SPATA6L: variants seen among roughly 807,000 people sequenced by gnomAD.
The protein encoded by SPATA6L is spermatogenesis associated 6 like, also known as spermatogenesis associated 6-like protein.
SPATA6L carries 68 observed loss-of-function variants against 49.2 expected under a neutral mutation model. That is an observed-to-expected ratio of 1.38 (90% CI 1.14 to 1.69). The LOEUF (loss-of-function observed/expected upper bound fraction) is 1.69, where lower values mean the gene tolerates loss of function less well. Ranked by LOEUF, SPATA6L falls within the 40% of genes most tolerant of loss-of-function variation. SPATA6L has a pLI of 0.00. For missense variants in SPATA6L, 668 were observed against 464.3 expected, an observed-to-expected ratio of 1.44 and a Z score of -4.03; for synonymous variants, 198 against 165.7, an observed-to-expected ratio of 1.19 and a Z score of -1.50.
At chr9:4,623,166 G>C (rs1829719440) in intron 6 of SPATA6L, among the ~76,000 whole-genome samples, 2 of 152,166 alleles carry the variant, frequency 1.3e-5, no homozygotes, top group East Asian at 3.8e-4. Flanking sequence ...TGTAATCCCA[G>C]CTACTCTGGA....
At chr9:4,605,219 GT>G in intron 10 of SPATA6L, 127 bp downstream of exon 10, 1 of 707,562 alleles carries the variant, frequency 1.4e-6, no homozygotes, top group Non-Finnish European at 2.5e-6. Flanking sequence ...AATCTCCTTG[GT>G]AAGCCTCACA....
At chr9:4,624,135 C>T (rs1829904131) in intron 6 of SPATA6L, among the ~76,000 whole-genome samples, 1 of 152,164 alleles carries the variant, frequency 6.6e-6, no homozygotes, top group Non-Finnish European at 1.5e-5. Flanking sequence ...CTTAATGATA[C>T]TATCAATAGT....
chr9:4,639,261 A>G (rs893536073), intron 3 of SPATA6L, among the ~76,000 whole-genome samples: 2 of 152,108 alleles, frequency 1.3e-5, no homozygotes, highest in African/African-American at 4.8e-5. Flanking sequence ...TAGATGCATG[A>G]TATGATGTTC....
intron 4 of SPATA6L, among the ~76,000 whole-genome samples, chr9:4,629,769 G>GTA (rs35908661): frequency 0.14 from 13,965 of 101,794 alleles, 970 homozygotes; most frequent in Non-Finnish European, 0.16. Flanking sequence ...GTGTGTGTGT[G>GTA]TATATATATA....
intron 2 of SPATA6L, among the ~76,000 whole-genome samples, chr9:4,659,907 C>A (rs553047003): frequency 1.3e-5 from 2 of 152,130 alleles, no homozygotes; most frequent in African/African-American, 4.8e-5. Flanking sequence ...TTTGACAAAC[C>A]TGACAAAAAC....
chr9:4,651,255 A>G (rs1399694577), intron 3 of SPATA6L, among the ~76,000 whole-genome samples: 3 of 152,226 alleles, frequency 2.0e-5, no homozygotes, highest in Non-Finnish European at 4.4e-5. Context: ...CCAATGAATT[A>G]GATAAATGAA....
At chr9:4,603,294 G>C (rs1462566468) in intron 11 of SPATA6L, among the ~76,000 whole-genome samples, 2 of 152,138 alleles carry the variant, frequency 1.3e-5, no homozygotes, top group Non-Finnish European at 2.9e-5. Context: ...GCTGGGTGTG[G>C]TTGTGCACAC....
At chr9:4,645,318 T>C (rs1307793335) in intron 3 of SPATA6L, among the ~76,000 whole-genome samples, 1 of 152,340 alleles carries the variant, frequency 6.6e-6, no homozygotes, top group African/African-American at 2.4e-5. Context: ...TGTCTTAGTC[T>C]ATTTTCTGTT....
chr9:4,639,401 G>A (rs1044874286), intron 3 of SPATA6L, among the ~76,000 whole-genome samples: 2 of 152,120 alleles, frequency 1.3e-5, no homozygotes, highest in African/African-American at 2.4e-5. Context: ...AAAGTAAGAG[G>A]CTGGAAAATT....
chr9:4,654,005 C>T lies in SPATA6L; in HGVS notation c.226+2036G>A, dbSNP rs1448097628. On this transcript the variant is annotated intron_variant, in intron 3 of 11. Coordinates refer to ENST00000682582, the MANE Select transcript of SPATA6L (RefSeq NM_001353486.2). ...AGGCAAAGGATCTGAATAGACATTT[C>T]CCCCAAAGAAAATACACAAATGGCC... Among the ~76,000 whole-genome samples the T allele has an allele frequency of 2.6e-5, 4 of 152,110 alleles. No individual in the cohort carries two copies. In the East Asian group the frequency reaches 5.8e-4, roughly 22 times the overall value.
At chr9:4,647,363 G>A (rs1835641006) in intron 3 of SPATA6L, among the ~76,000 whole-genome samples, 1 of 152,234 alleles carries the variant, frequency 6.6e-6, no homozygotes, top group East Asian at 1.9e-4. Context: ...AGGCCGAGGT[G>A]AGCGGATCAC....
intron 3 of SPATA6L, 81 bp downstream of exon 3, chr9:4,655,960 T>C: frequency 9.2e-7 from 1 of 1,092,282 alleles, no homozygotes; most frequent in Non-Finnish European, 1.3e-6. Context: ...ATATCACAGT[T>C]TAGAAAAGAG....
Position 4,662,481 on chromosome 9 carries a change from A to C in SPATA6L, c.40-445T>G, listed in dbSNP as rs918836876. 3 of 1,553,086 alleles carry C rather than the reference A, an allele frequency of 1.9e-6. No individual in the cohort carries two copies. The highest frequency in any genetic ancestry group is 2.6e-6 in the Non-Finnish European group (3 of 1,159,146). ...AGCCCATGGCGGCGGTGGCGGCGGC[A>C]GCAGGTTTGAGTTCCAGTCCCTGCT... On this transcript the variant is annotated intron_variant, in intron 1 of 11. Coordinates refer to ENST00000682582, the MANE Select transcript of SPATA6L (RefSeq NM_001353486.2). The surrounding 1 kb of genome is among the most constrained non-coding windows in gnomAD (Gnocchi z 4.9).
At chr9:4,659,711 G>T (rs1011361857) in intron 2 of SPATA6L, among the ~76,000 whole-genome samples, 1 of 152,098 alleles carries the variant, frequency 6.6e-6, no homozygotes, top group Non-Finnish European at 1.5e-5. Flanking sequence ...AAAAGAGCCC[G>T]CATTGCCAAG....
intron 4 of SPATA6L, among the ~76,000 whole-genome samples, chr9:4,631,634 G>C (rs1243467405): frequency 6.6e-6 from 1 of 152,130 alleles, no homozygotes; most frequent in Non-Finnish European, 1.5e-5. Context: ...CATGCTAGTG[G>C]AGGAAATAAA....
chr9:4,625,103 T>C (rs1830088770), intron 6 of SPATA6L: 4 of 653,038 alleles, frequency 6.1e-6, no homozygotes, highest in Non-Finnish European at 9.1e-6. Context: ...AAAATAGGGA[T>C]GGCTGACATT....
chr9:4,662,660 C>A lies in SPATA6L; in HGVS notation c.40-624G>T. 1 of 1,599,972 alleles carries A rather than the reference C, an allele frequency of 6.3e-7. No individual in the cohort carries two copies. Among genetic ancestry groups the A allele is most frequent in the African/African-American group, 1.3e-5 (1 of 75,046 alleles). On this transcript the variant is annotated intron_variant, in intron 1 of 11. Transcript: ENST00000682582. This position sits in a 1 kb window ranked among gnomAD's most constrained non-coding sequence, Gnocchi z 4.9. ...CCGAGGAGGACCGCATGGACTTGAACCCGTCCTTCCTGGGCATCGCCCTGC... is the reference window on the plus strand; with the variant it reads ...CCGAGGAGGACCGCATGGACTTGAAACCGTCCTTCCTGGGCATCGCCCTGC...
At chr9:4,593,509 C>T (rs965897162), downstream of SPATA6L, among the ~76,000 whole-genome samples, 3 of 151,944 alleles carry the variant, frequency 2.0e-5, no homozygotes, top group African/African-American at 7.3e-5. Context: ...AACTGGAACC[C>T]TATTTCTCTT....
chr9:4,610,162 G>T (rs947231660), intron 9 of SPATA6L, among the ~76,000 whole-genome samples: 1 of 152,160 alleles, frequency 6.6e-6, no homozygotes, highest in Non-Finnish European at 1.5e-5. Context: ...CAAACAAATG[G>T]AAGAACATTC....
Sources: gnomAD v4.1 joint callset for allele counts (sites outside exome capture counted in the v4.1 genomes callset) on GRCh38, gnomAD v4.1.1 for gene constraint, Gnocchi (gnomAD v3.1) non-coding constraint, MANE v1.5 for transcripts, NCBI Gene and HGNC (gene_info 2026-07-23, HGNC 2026-07-21) for gene names.